The following ARHGAP44 variants were observed in gnomAD, a reference collection of about 807,000 sequenced individuals.
The protein encoded by ARHGAP44 is rho GTPase-activating protein 44.
Under a neutral mutation model 106.8 loss-of-function variants are expected in ARHGAP44, and 43 were observed. The ratio of observed to expected loss-of-function variants is 0.40; its 90% CI spans 0.32 to 0.52. The LOEUF (loss-of-function observed/expected upper bound fraction) is 0.52, where lower values mean the gene tolerates loss of function less well. ARHGAP44 is among the 20% of genes least tolerant of loss of function. The probability of loss-of-function intolerance (pLI) is 0.48; values close to 1 mark genes in which losing one functional copy is unlikely to be tolerated. For synonymous variants in ARHGAP44, 439 were observed against 410.3 expected (o/e 1.07, Z -0.85); for missense variants, 866 against 1,050.5 (o/e 0.82, Z 2.43).
At chr17:12,845,992 A>G (rs1692557993) in intron 1 of ARHGAP44, among the ~76,000 whole-genome samples, 1 of 152,168 alleles carries the variant, frequency 6.6e-6, no homozygotes. Flanking sequence ...AAATCTATTT[A>G]GGAAAACATA....
intron 1 of ARHGAP44, among the ~76,000 whole-genome samples, chr17:12,811,181 C>T (rs997475393): frequency 2.0e-5 from 3 of 151,682 alleles, no homozygotes; most frequent in African/African-American, 4.8e-5. Flanking sequence ...GGCGTGGTGG[C>T]GGGCGCCTGT....
In ARHGAP44 at chr17:12,962,082, T is replaced by A. The variant is rs565648110; in HGVS notation, c.1523+3185T>A. 3.5e-3 allele frequency among the ~76,000 whole-genome samples: 531 copies of A among 150,954 alleles called. 6 individuals are homozygous for A. The highest frequency in any genetic ancestry group is 8.4e-3 in the East Asian group (43 of 5,098). ...GGTTTTTGGCCAAGTTAAAAAAAAA[T>A]ATATATATATATGAATTATATATCA... is the stretch of plus-strand genomic sequence containing the variant. On this transcript the variant is annotated intron_variant, in intron 16 of 20. Coordinates refer to ENST00000379672, the MANE Select transcript of ARHGAP44 (RefSeq NM_014859.6).
intron 1 of ARHGAP44, among the ~76,000 whole-genome samples, chr17:12,791,397 T>G (rs1249734957): frequency 6.6e-6 from 1 of 152,180 alleles, no homozygotes; most frequent in African/African-American, 2.4e-5. Context: ...CGACCCGTCT[T>G]TAATGTCTTG....
intron 1 of ARHGAP44, among the ~76,000 whole-genome samples, chr17:12,832,921 C>G (rs939838957): frequency 6.6e-6 from 1 of 152,162 alleles, no homozygotes; most frequent in Non-Finnish European, 1.5e-5. Context: ...CACAGATCTC[C>G]CTTGTTCTGC....
chr17:12,927,924 ATTTAT>A (rs764289414), intron 6 of ARHGAP44, among the ~76,000 whole-genome samples: 9 of 152,056 alleles, frequency 5.9e-5, no homozygotes, highest in East Asian at 1.9e-4. Flanking sequence ...GGCCCATTTG[ATTTAT>A]TTTATTTTTT....
chr17:12,855,301 A>T (rs557524094), intron 1 of ARHGAP44, among the ~76,000 whole-genome samples: 1 of 152,294 alleles, frequency 6.6e-6, no homozygotes, highest in South Asian at 2.1e-4. Flanking sequence ...TGCAAAGAGA[A>T]ATTAGTCCTT....
intron 6 of ARHGAP44, among the ~76,000 whole-genome samples, chr17:12,924,708 A>G (rs757270205): frequency 1.3e-4 from 20 of 152,280 alleles, no homozygotes; most frequent in Non-Finnish European, 2.4e-4. Flanking sequence ...TGGTGGCCTT[A>G]TAGGGAGAAA....
rs751218205 is a variant in ARHGAP44 at position 12,984,743 on chromosome 17, G to C, written c.2152G>C (p.Val718Leu). 1 of 1,613,916 alleles carries C rather than the reference G, an allele frequency of 6.2e-7. No individual in the cohort carries two copies. The highest frequency in any genetic ancestry group is 8.5e-7 in the Non-Finnish European group (1 of 1,179,892). The change falls in exon 20 of 21, where the codon GTC becomes CTC. Residue 718 changes from valine (V) to leucine (L), a missense_variant. This residue lies in a region of ARHGAP44 where 418 missense variants were observed against 403.6 expected (regional missense o/e 1.04). Coordinates refer to ENST00000379672, the MANE Select transcript of ARHGAP44 (RefSeq NM_014859.6). ...AAAPPLASPS[V>L]FTSTLSKSRP... ...AGCTCCTCCCCTGGCCTCTCCTTCT[G>C]TCTTTACAAGCACTTTGAGCAAATC...
chr17:12,876,021 G>A (rs1187387518), intron 1 of ARHGAP44, among the ~76,000 whole-genome samples: 2 of 152,182 alleles, frequency 1.3e-5, no homozygotes, highest in African/African-American at 4.8e-5. Context: ...ACCAGTTAGA[G>A]CTAGAAGCTC....
At chr17:12,817,732 T>A (rs939620082) in intron 1 of ARHGAP44, among the ~76,000 whole-genome samples, 2 of 151,984 alleles carry the variant, frequency 1.3e-5, no homozygotes, top group African/African-American at 4.8e-5. Context: ...TTAAAAAGTA[T>A]CACACACCAT....
Position 12,958,833 on chromosome 17 carries a change from C to T in ARHGAP44, c.1459C>T (p.Gln487Ter), listed in dbSNP as rs1204474645. 2 of 1,585,164 alleles carry T rather than the reference C, an allele frequency of 1.3e-6. No homozygotes were observed. The highest frequency in any genetic ancestry group is 1.8e-5 in the Admixed American group (1 of 54,540). ...CCCTGCTGACCGGCGCCAGCCCGAG[C>T]AGGCCCGCCGGCCCCTCAGCGTCGC... ...MDPADRRQPE[Q>*]ARRPLSVATD... The change falls in exon 16 of 21, where the codon CAG (glutamine) becomes TAG (stop). Residue 487 changes from glutamine to a stop codon, truncating the protein, a stop_gained. Coordinates refer to ENST00000379672, the MANE Select transcript of ARHGAP44 (RefSeq NM_014859.6). LOFTEE classifies it high-confidence loss of function. The surrounding 1 kb of genome is among the most constrained non-coding windows in gnomAD (Gnocchi z 4.1).
chr17:12,852,528 C>T (rs1334336635), intron 1 of ARHGAP44, among the ~76,000 whole-genome samples: 1 of 147,770 alleles, frequency 6.8e-6, no homozygotes, highest in Non-Finnish European at 1.5e-5. Context: ...GTTTTCTATT[C>T]TCTTTGGTTT....
chr17:12,917,556 T>C (rs2037955354), intron 5 of ARHGAP44, among the ~76,000 whole-genome samples: 1 of 152,100 alleles, frequency 6.6e-6, no homozygotes, highest in Non-Finnish European at 1.5e-5. Flanking sequence ...TACCGCTCCA[T>C]TGTGGGTGGG....
chr17:12,915,804 A>G (rs2037892674), intron 4 of ARHGAP44, 96 bp from the exon 5 acceptor site: 2 of 1,069,102 alleles, frequency 1.9e-6, no homozygotes, highest in Non-Finnish European at 2.7e-6. Flanking sequence ...CTGACTTGTG[A>G]AAGTTTACAA....
Position 12,991,114 on chromosome 17 carries a change from G to C in ARHGAP44, c.*943G>C, listed in dbSNP as rs899073935. On this transcript the variant is annotated 3_prime_UTR_variant, in exon 21 of 21. Transcript: ENST00000379672. ...AGACGCTGGCCCACGGGCTCGGCCT[G>C]CGGTGTGGCCTGCTTTGCTCACCAG... 7.2e-4 allele frequency: 110 copies of C among 152,716 alleles called. No homozygotes were observed. The highest frequency in any genetic ancestry group is 2.5e-3 in the African/African-American group (105 of 41,584). 9.5% of individuals were successfully genotyped at this position (152,716 alleles called of 1,614,324 possible).
intron 6 of ARHGAP44, among the ~76,000 whole-genome samples, chr17:12,924,308 C>T (rs1225457076): frequency 6.6e-5 from 10 of 152,272 alleles, no homozygotes. Flanking sequence ...ATACAGACCT[C>T]AATATTCTCA....
intron 1 of ARHGAP44, among the ~76,000 whole-genome samples, chr17:12,798,026 T>C (rs1172926701): frequency 6.6e-6 from 1 of 152,184 alleles, no homozygotes; most frequent in Admixed American, 6.5e-5. Flanking sequence ...AGCGAAGTTG[T>C]TGATTTTTAT....
intron 5 of ARHGAP44, among the ~76,000 whole-genome samples, chr17:12,918,562 G>A (rs936633183): frequency 3.3e-5 from 5 of 152,148 alleles, no homozygotes; most frequent in South Asian, 2.1e-4. Context: ...ACTCGTAGCC[G>A]AGAAAAGCCA....
chr17:12,795,838 C>T (rs561152893), intron 1 of ARHGAP44, among the ~76,000 whole-genome samples: 49 of 152,180 alleles, frequency 3.2e-4, no homozygotes, highest in South Asian at 2.1e-4. Context: ...GGAACTCCAC[C>T]GCCTTTGGGA....
Sources: gnomAD v4.1 joint callset for allele counts (sites outside exome capture counted in the v4.1 genomes callset) on GRCh38, gnomAD v4.1.1 for gene constraint, gnomAD v4.1.1 regional missense constraint, Gnocchi (gnomAD v3.1) non-coding constraint, MANE v1.5 for transcripts, NCBI Gene and HGNC (gene_info 2026-07-23, HGNC 2026-07-21) for gene names.